Variants in RUFY2 observed in about 807,000 individuals in gnomAD.
The protein encoded by RUFY2 is RUN and FYVE domain-containing protein 2.
A neutral mutation model predicts 94.4 loss-of-function variants in RUFY2; 49 were observed. The observed-to-expected ratio is 0.52, with a 90% CI of 0.41 to 0.66. The LOEUF (loss-of-function observed/expected upper bound fraction) is 0.66. RUFY2 is among the 30% of genes least tolerant of loss of function. RUFY2 has a pLI of 0.00. For synonymous variants in RUFY2, 255 were observed against 235.7 expected, an observed-to-expected ratio of 1.08 and a Z score of -0.75; for missense variants, 541 against 692.8, an observed-to-expected ratio of 0.78 and a Z score of 2.46.
chr10:68,383,282 A>G (rs2049222777), intron 10 of RUFY2, among the ~76,000 whole-genome samples: 1 of 152,028 alleles, frequency 6.6e-6, no homozygotes, highest in Admixed American at 6.6e-5. Context: ...CCAAGATCGC[A>G]CCACTGCACT....
At chr10:68,405,799 G>T in intron 1 of RUFY2, 1 of 727,304 alleles carries the variant, frequency 1.4e-6, no homozygotes, top group Non-Finnish European at 1.7e-6. Flanking sequence ...GCAGAGACCA[G>T]TTTTACATTA....
chr10:68,377,884 C>T, intron 12 of RUFY2: 1 of 985,268 alleles, frequency 1.0e-6, no homozygotes, highest in Non-Finnish European at 1.2e-6. Flanking sequence ...ACCAATGGAG[C>T]AACCCTCACA....
At chr10:68,351,008 G>A (rs908966997) in intron 16 of RUFY2, among the ~76,000 whole-genome samples, 24 of 151,352 alleles carry the variant, frequency 1.6e-4, no homozygotes, top group Non-Finnish European at 2.8e-4. Context: ...ACCGTGCCCC[G>A]CCCCACAAGT....
In RUFY2 at chr10:68,364,219, T is replaced by C. The variant is rs917557606; in HGVS notation, c.1326-106A>G. On this transcript the variant is annotated intron_variant, in intron 13 of 17. Transcript: ENST00000602465. ...TTTTGGTTTATTACTTTGGCCTTTG[T>C]AATGCATTTTTCAGACATTTTCTTT... 1.1e-5 allele frequency: 12 copies of C among 1,047,750 alleles called. No individual in the cohort carries two copies. In the South Asian group the frequency reaches 2.4e-4, roughly 21 times the overall value. The allele number at this position is 1,047,750 out of a possible 1,614,324, so 64.9% of individuals were successfully genotyped here. A position where few individuals can be genotyped will look rare whatever the true frequency, so the allele number is the denominator to read the frequency against.
chr10:68,358,370 T>C (rs1468924518), intron 15 of RUFY2, among the ~76,000 whole-genome samples: 1 of 152,098 alleles, frequency 6.6e-6, no homozygotes, highest in East Asian at 1.9e-4. Context: ...TTCCAAGACA[T>C]AAAAACAAAG....
At chr10:68,350,244 A>G (rs911200438) in intron 16 of RUFY2, among the ~76,000 whole-genome samples, 1 of 151,752 alleles carries the variant, frequency 6.6e-6, no homozygotes, top group Non-Finnish European at 1.5e-5. Context: ...TCCTGACCTC[A>G]GGCCAATCCA....
intron 16 of RUFY2, among the ~76,000 whole-genome samples, chr10:68,349,973 A>G (rs927140880): frequency 6.6e-5 from 10 of 151,996 alleles, no homozygotes; most frequent in African/African-American, 2.4e-4. Flanking sequence ...AGAAGGTTGT[A>G]CCTGAATCTA....
chr10:68,366,330 CAAAA>C (rs374353912), intron 13 of RUFY2, among the ~76,000 whole-genome samples: 1 of 55,440 alleles, frequency 1.8e-5, no homozygotes, highest in South Asian at 7.3e-4. Flanking sequence ...AACTCCATCT[CAAAA>C]AAAAAAAAAA....
intron 7 of RUFY2, among the ~76,000 whole-genome samples, chr10:68,392,156 C>G (rs1457905725): frequency 6.6e-6 from 1 of 151,660 alleles, no homozygotes; most frequent in South Asian, 2.1e-4. Context: ...CTCATCCTCC[C>G]GAGTAGCTGG....
intron 12 of RUFY2, chr10:68,377,740 T>C (rs111260721): frequency 1.5e-5 from 15 of 984,638 alleles, no homozygotes; most frequent in African/African-American, 7.0e-5. Context: ...ATTTCTTGTA[T>C]TTAACTTCAA....
intron 10 of RUFY2, among the ~76,000 whole-genome samples, chr10:68,382,741 A>G (rs1337614045): frequency 6.6e-6 from 1 of 151,092 alleles, no homozygotes; most frequent in Non-Finnish European, 1.5e-5. Context: ...AAAAAAAAAG[A>G]AATTTATTAG....
At chr10:68,397,189 G>A (rs116183921) in intron 3 of RUFY2, among the ~76,000 whole-genome samples, 6,269 of 152,168 alleles carry the variant, frequency 0.041, 412 homozygotes, top group African/African-American at 0.14. Flanking sequence ...GTGTACATTT[G>A]CAAACCTAGA....
chr10:68,379,749 G>A (rs34924599), intron 11 of RUFY2, among the ~76,000 whole-genome samples: 5,738 of 151,836 alleles, frequency 0.038, 129 homozygotes, highest in Non-Finnish European at 0.048. Context: ...CTGTTACTTT[G>A]AAATGAACAG....
chr10:68,342,058 C>G (rs534127538), downstream of RUFY2: 4 of 1,607,682 alleles, frequency 2.5e-6, no homozygotes, highest in East Asian at 8.9e-5. Flanking sequence ...GTACTGAAAG[C>G]AAAAACACCA....
chr10:68,345,597 G>T lies in RUFY2; in HGVS notation c.*171C>A, dbSNP rs978486637. ...TTGAAAATACATTTTGAAAAACAAT[G>T]GGGAAGGAAATATATAACTTGTAAT... On this transcript the variant is annotated 3_prime_UTR_variant, in exon 18 of 18. Coordinates refer to ENST00000602465, the MANE Select transcript of RUFY2 (RefSeq NM_001330103.2). 10 of 540,864 alleles carry T rather than the reference G, an allele frequency of 1.8e-5. No individual in the cohort carries two copies. The highest frequency in any genetic ancestry group is 2.9e-5 in the Non-Finnish European group (9 of 314,534). 33.5% of individuals were successfully genotyped at this position (540,864 alleles called of 1,614,324 possible).
rs1424101298 is a variant in RUFY2 at position 68,394,382 on chromosome 10, G to C, written c.468C>G (p.Gly156=). The C allele has an allele frequency of 2.5e-6, 4 of 1,613,478 alleles. No individual in the cohort carries two copies. The African/African-American group carries it at 5.3e-5, about 22-fold the overall frequency. ...EGAVIVGLLV[G]LNVIDANLCV... ...ACAGATTAGCATCGATCACATTCAG[G>C]CCAACCAGCAGCCCAACAATTACTG... The change falls in exon 5 of 18, where the codon GGC becomes GGG. Residue 156 remains glycine, a synonymous_variant. Coordinates refer to ENST00000602465, the MANE Select transcript of RUFY2 (RefSeq NM_001330103.2).
chr10:68,359,984 C>A (rs990056471), intron 15 of RUFY2, among the ~76,000 whole-genome samples: 1 of 152,128 alleles, frequency 6.6e-6, no homozygotes, highest in Non-Finnish European at 1.5e-5. Flanking sequence ...TGCCACCACA[C>A]CCGGCTAATT....
intron 1 of RUFY2, chr10:68,406,820 G>A (rs371048247): frequency 1.9e-6 from 3 of 1,612,626 alleles, no homozygotes; most frequent in Non-Finnish European, 2.5e-6. Flanking sequence ...GCCAAAACCT[G>A]AGATGCGTCT....
chr10:68,401,118 AT>A (rs2050811452), intron 3 of RUFY2, among the ~76,000 whole-genome samples: 1 of 152,246 alleles, frequency 6.6e-6, no homozygotes, highest in South Asian at 2.1e-4. Context: ...CTTTTAAGAC[AT>A]TTTACATACA....
Sources: gnomAD v4.1 joint callset for allele counts (sites outside exome capture counted in the v4.1 genomes callset) on GRCh38, gnomAD v4.1.1 for gene constraint, MANE v1.5 for transcripts, NCBI Gene and HGNC (gene_info 2026-07-23, HGNC 2026-07-21) for gene names.